Variants in LOXL1 observed in about 807,000 individuals in gnomAD.
LOXL1 encodes the protein lysyl oxidase like 1.
A neutral mutation model predicts 62.2 loss-of-function variants in LOXL1; 31 were observed. The observed-to-expected ratio is 0.50, with a 90% CI of 0.37 to 0.67. The LOEUF (loss-of-function observed/expected upper bound fraction) is 0.67, where lower values mean the gene tolerates loss of function less well. Among genes scored for constraint, LOXL1 ranks in the 30% least tolerant of loss-of-function variants. LOXL1 has a pLI of 0.00. For synonymous variants in LOXL1, 403 were observed against 384.4 expected, an observed-to-expected ratio of 1.05 and a Z score of -0.56; for missense variants, 775 against 843.4, an observed-to-expected ratio of 0.92 and a Z score of 1.00.
In LOXL1 at chr15:73,926,959, C is replaced by T; in HGVS notation, c.176C>T (p.Ser59Leu). Residue 59 changes from serine to leucine, a missense_variant, in exon 1 of 7, where the codon TCA (serine) becomes TTA (leucine). By Grantham distance (145) the Ser-to-Leu change is moderately radical. Coordinates refer to ENST00000261921, the MANE Select transcript of LOXL1 (RefSeq NM_005576.4). ...GQVYSLLNSG[S>L]EYVPAGPQRS... is the part of the protein sequence containing the mutation. ...GTGTACAGCTTGCTCAACTCGGGCT[C>T]AGAGTACGTGCCGGCCGGACCTCAG... 1 of 1,549,162 alleles carries T rather than the reference C, an allele frequency of 6.5e-7. No homozygotes were observed. Among genetic ancestry groups the T allele is most frequent in the South Asian group, 1.2e-5 (1 of 83,492 alleles).
chr15:73,930,222 G>C lies in LOXL1; in HGVS notation c.1102+2337G>C, dbSNP rs924264446. On this transcript the variant is annotated intron_variant, in intron 1 of 6. Transcript: ENST00000261921. This position sits in a 1 kb window ranked among gnomAD's most constrained non-coding sequence, Gnocchi z 4.7. ...GGGCCAGGGGCTTTGTGAGCCCAGA[G>C]GAGGGCCCTCCCTGTCAGGGGCTAG... Among the ~76,000 whole-genome samples the C allele has an allele frequency of 3.3e-5, 5 of 152,204 alleles. No homozygotes were observed. The highest frequency in any genetic ancestry group is 4.8e-5 in the African/African-American group (2 of 41,462).
chr15:73,931,044 C>T (rs566318292), intron 1 of LOXL1, among the ~76,000 whole-genome samples: 1 of 151,290 alleles, frequency 6.6e-6, no homozygotes, highest in Admixed American at 6.6e-5. Flanking sequence ...CAGCTCCTGC[C>T]TCCCTGGAGT....
Position 73,927,289 on chromosome 15 carries a change from A to C in LOXL1, c.506A>C (p.Gln169Pro). The change falls in exon 1 of 7, where the codon CAG becomes CCG. Residue 169 changes from glutamine to proline, a missense_variant. By Grantham distance (76) the Gln-to-Pro change is moderately conservative. Coordinates refer to ENST00000261921, the MANE Select transcript of LOXL1 (RefSeq NM_005576.4). ...TCGGCCTTCGCCAGCACCTACCGCCAGCAGCCCTCCTACCCGCAGCAGTTC... is the reference window on the plus strand; with the variant it reads ...TCGGCCTTCGCCAGCACCTACCGCCCGCAGCCCTCCTACCCGCAGCAGTTC... ...SASAFASTYR[Q>P]QPSYPQQFPY... 1 of 1,603,234 alleles carries C rather than the reference A, an allele frequency of 6.2e-7. No individual in the cohort carries two copies. The highest frequency in any genetic ancestry group is 1.4e-5 in the African/African-American group (1 of 74,016).
intron 6 of LOXL1, 101 bp downstream of exon 6, chr15:73,949,675 C>T (rs1250138693): frequency 6.4e-6 from 5 of 784,028 alleles, no homozygotes; most frequent in Non-Finnish European, 1.1e-5. Flanking sequence ...TTTAGGTCAC[C>T]TTGATGGCCG....
intron 1 of LOXL1, chr15:73,941,995 TC>T: frequency 8.3e-6 from 2 of 241,128 alleles, no homozygotes; most frequent in Non-Finnish European, 9.3e-6. Flanking sequence ...GGGGGCAGTC[TC>T]CAGACTTCCC....
intron 6 of LOXL1, 54 bp from the exon 7 acceptor site, chr15:73,951,776 GC>G: frequency 6.8e-7 from 1 of 1,481,114 alleles, no homozygotes; most frequent in South Asian, 1.4e-5. Flanking sequence ...GGCTGAGGAG[GC>G]CACGGGGGCC....
intron 1 of LOXL1, 142 bp from the exon 2 acceptor site, chr15:73,942,712 C>G: frequency 1.5e-6 from 1 of 667,464 alleles, no homozygotes; most frequent in South Asian, 1.6e-5. Flanking sequence ...ACCTAACACC[C>G]AAGGAGAATG....
chr15:73,929,438 G>C (rs1184122979), intron 1 of LOXL1, among the ~76,000 whole-genome samples: 1 of 152,248 alleles, frequency 6.6e-6, no homozygotes, highest in African/African-American at 2.4e-5. Flanking sequence ...GTGAGGGGCT[G>C]CTGCTCATGG....
chr15:73,938,318 G>GATA (rs1555433315), intron 1 of LOXL1, among the ~76,000 whole-genome samples: 33 of 29,356 alleles, frequency 1.1e-3, no homozygotes, highest in Admixed American at 3.8e-3. Context: ...TATCTATCTA[G>GATA]GTAGATAGAT....
At chr15:73,935,831 G>A (rs1327865865) in intron 1 of LOXL1, among the ~76,000 whole-genome samples, 2 of 152,114 alleles carry the variant, frequency 1.3e-5, no homozygotes, top group Non-Finnish European at 2.9e-5. Context: ...GGGGTGGACA[G>A]GTGAGTGCTG....
Position 73,926,940 on chromosome 15 carries a change from A to G in LOXL1, c.157A>G (p.Ser53Gly). Residue 53 changes from serine (S) to glycine (G), a missense_variant, in exon 1 of 7, where the codon AGC (serine) becomes GGC (glycine). By Grantham distance (56) the Ser-to-Gly change is moderately conservative. Coordinates refer to ENST00000261921, the MANE Select transcript of LOXL1 (RefSeq NM_005576.4). The stretch of plus-strand genomic sequence containing the variant: ...GTGGGAGAACAACGGGCAGGTGTAC[A>G]GCTTGCTCAACTCGGGCTCAGAGTA... ...IQWENNGQVY[S>G]LLNSGSEYVP... 1.3e-6 allele frequency: 2 copies of G among 1,561,882 alleles called. No individual in the cohort carries two copies. The highest frequency in any genetic ancestry group is 1.2e-5 in the South Asian group (1 of 84,644).
chr15:73,945,734 A>G lies in LOXL1; in HGVS notation c.1212-683A>G, dbSNP rs968652036. Among the ~76,000 whole-genome samples the G allele has an allele frequency of 6.6e-6, 1 of 151,700 alleles. No homozygotes were observed. Among genetic ancestry groups the G allele is most frequent in the Admixed American group, 6.6e-5 (1 of 15,240 alleles). ...GACTTTTTTTTTTCTTTTTTTTAGA[A>G]AGGGGGTCTCACTCTGTTGCCCAGA... On this transcript the variant is annotated intron_variant, in intron 2 of 6. Coordinates refer to ENST00000261921, the MANE Select transcript of LOXL1 (RefSeq NM_005576.4). The surrounding 1 kb of genome is among the most constrained non-coding windows in gnomAD (Gnocchi z 4.3).
In LOXL1 at chr15:73,926,513, A is replaced by T; in HGVS notation, c.-271A>T. 1 of 363,244 alleles carries T rather than the reference A, an allele frequency of 2.8e-6. No homozygotes were observed. Among genetic ancestry groups the T allele is most frequent in the Non-Finnish European group, 4.9e-6 (1 of 203,610 alleles). The allele number at this position is 363,244 out of a possible 1,614,324, so 22.5% of individuals were successfully genotyped here. On this transcript the variant is annotated 5_prime_UTR_variant, in exon 1 of 7. An upstream start codon of the reference 5' UTR is lost. Coordinates refer to ENST00000261921, the MANE Select transcript of LOXL1 (RefSeq NM_005576.4). Reference sequence around the variant, plus strand: ...GCGGCCAGCCAGTGCGGGGCTGGCCATGTAAGGCCCACAGGCGGTCCTGCC... The same window carrying T: ...GCGGCCAGCCAGTGCGGGGCTGGCCTTGTAAGGCCCACAGGCGGTCCTGCC...
intron 1 of LOXL1, among the ~76,000 whole-genome samples, chr15:73,941,154 G>A (rs1330911841): frequency 2.0e-5 from 3 of 152,172 alleles, no homozygotes; most frequent in Admixed American, 6.5e-5. Context: ...CTGGCTTGAG[G>A]GCCTATGGGT....
chr15:73,932,888 G>A (rs1044821067), intron 1 of LOXL1, among the ~76,000 whole-genome samples: 4 of 152,194 alleles, frequency 2.6e-5, no homozygotes, highest in Admixed American at 2.0e-4. Flanking sequence ...GATCAGACAA[G>A]CTGTGGAAAC....
Position 73,951,860 on chromosome 15 carries a change from A to G in LOXL1, c.*23A>G. On this transcript the variant is annotated 3_prime_UTR_variant, in exon 7 of 7. Coordinates refer to ENST00000261921, the MANE Select transcript of LOXL1 (RefSeq NM_005576.4). ...TGATCTCCGGGAGGGACAGATGGCC[A>G]ATCTCTCCCCTTCCAAAGCAGGCCC... The G allele has an allele frequency of 1.3e-6, 2 of 1,533,048 alleles. No individual in the cohort carries two copies. The highest frequency in any genetic ancestry group is 2.6e-5 in the East Asian group (1 of 39,214). 95.0% of individuals were successfully genotyped at this position (1,533,048 alleles called of 1,614,324 possible). A position where few individuals can be genotyped will look rare whatever the true frequency, so the allele number is the denominator to read the frequency against.
rs1327082864 is a variant in LOXL1, at chr15:73,926,990, C to G, written c.207C>G (p.Ser69=). 1 of 1,488,588 alleles carries G rather than the reference C, an allele frequency of 6.7e-7. No individual in the cohort carries two copies. The highest frequency in any genetic ancestry group is 1.3e-5 in the South Asian group (1 of 78,508). 92.2% of individuals were successfully genotyped at this position (1,488,588 alleles called of 1,614,324 possible). Reference sequence around the variant, plus strand: ...ACGTGCCGGCCGGACCTCAGCGCTCCGAGAGTAGCTCCCGGGTGCTGCTGG... The same window carrying G: ...ACGTGCCGGCCGGACCTCAGCGCTCGGAGAGTAGCTCCCGGGTGCTGCTGG... ...SEYVPAGPQR[S]ESSSRVLLAG... is the part of the protein sequence containing the mutation. Residue 69 remains serine, a synonymous_variant, in exon 1 of 7, where the codon TCC becomes TCG. Coordinates refer to ENST00000261921, the MANE Select transcript of LOXL1 (RefSeq NM_005576.4).
chr15:73,929,854 CA>C (rs2068623568), intron 1 of LOXL1, among the ~76,000 whole-genome samples: 1 of 152,184 alleles, frequency 6.6e-6, no homozygotes, highest in Admixed American at 6.5e-5. Flanking sequence ...TCTCAAATGC[CA>C]CAATATTGGC....
In LOXL1 at chr15:73,926,873, C is replaced by T. The variant is rs1232738685; in HGVS notation, c.90C>T (p.Pro30=). 1 of 1,554,760 alleles carries T rather than the reference C, an allele frequency of 6.4e-7. No individual in the cohort carries two copies. The highest frequency in any genetic ancestry group is 8.7e-7 in the Non-Finnish European group (1 of 1,149,846). Reference sequence around the variant, plus strand: ...TGGTGCACGGGCAGCAGGCGCAGCCCGGGCAGGGCTCGGACCCCGCCCGCT... The same window carrying T: ...TGGTGCACGGGCAGCAGGCGCAGCCTGGGCAGGGCTCGGACCCCGCCCGCT... The part of the protein sequence containing the change: ...CVLVHGQQAQ[P]GQGSDPARWR... Residue 30 remains proline (P), a synonymous_variant, in exon 1 of 7, where the codon CCC becomes CCT. Coordinates refer to ENST00000261921, the MANE Select transcript of LOXL1 (RefSeq NM_005576.4).
Sources: gnomAD v4.1 joint callset for allele counts (sites outside exome capture counted in the v4.1 genomes callset) on GRCh38, gnomAD v4.1.1 for gene constraint, Gnocchi (gnomAD v3.1) non-coding constraint, MANE v1.5 for transcripts, NCBI Gene and HGNC (gene_info 2026-07-23, HGNC 2026-07-21) for gene names.